DNAH17: variants seen among roughly 807,000 people sequenced by gnomAD.
DNAH17 encodes the protein dynein axonemal heavy chain 17, also known as axonemal beta dynein heavy chain 17.
DNAH17 carries 376 observed loss-of-function variants against 485.6 expected under a neutral mutation model. That is an observed-to-expected ratio of 0.77 (90% CI 0.71 to 0.84). The LOEUF (loss-of-function observed/expected upper bound fraction) is 0.84. Among genes scored for constraint, DNAH17 ranks in the 40% least tolerant of loss-of-function variants. The pLI is 0.00. For synonymous variants in DNAH17, 3,031 were observed against 2,405.9 expected (o/e 1.26, Z -7.60); for missense variants, 6,370 against 5,839.3 (o/e 1.09, Z -2.96).
chr17:78,482,841 G>A (rs1457189136), intron 48 of DNAH17, among the ~76,000 whole-genome samples: 1 of 152,188 alleles, frequency 6.6e-6, no homozygotes, highest in Non-Finnish European at 1.5e-5. Context: ...CCCTCCTGAA[G>A]ATCCTTCAGG....
chr17:78,507,900 G>A (rs2090531841), intron 27 of DNAH17, 95 bp from the exon 28 acceptor site: 2 of 1,223,312 alleles, frequency 1.6e-6, no homozygotes, highest in Admixed American at 5.6e-5. Flanking sequence ...GAAGCTCCAT[G>A]ATCAGAAAGC....
intron 14 of DNAH17, among the ~76,000 whole-genome samples, chr17:78,553,562 A>G (rs926502761): frequency 6.6e-6 from 1 of 152,012 alleles, no homozygotes; most frequent in Non-Finnish European, 1.5e-5. Context: ...TTGGCCTCTC[A>G]AAGTCCCAGG....
chr17:78,434,582 T>C (rs1345885133), intron 74 of DNAH17, among the ~76,000 whole-genome samples: 1 of 151,716 alleles, frequency 6.6e-6, no homozygotes, highest in Non-Finnish European at 1.5e-5. Context: ...TCATCACTTA[T>C]GCACAGTATC....
Position 78,532,510 on chromosome 17 carries a change from G to C in DNAH17, c.3086C>G (p.Pro1029Arg), listed in dbSNP as rs369140843. ...CTCCTGGAACTGAGCCAGGGTGGGCGGTGTCTTGGGGATGGTGTCATCTGT... is the reference window on the plus strand; with the variant it reads ...CTCCTGGAACTGAGCCAGGGTGGGCCGTGTCTTGGGGATGGTGTCATCTGT... Reference protein sequence around the residue: ...TWTDDTIPKTPPTLAQFQEQI... With the variant: ...TWTDDTIPKTRPTLAQFQEQI... The change falls in exon 20 of 81, where the codon CCG (proline) becomes CGG (arginine). Residue 1029 changes from proline (P) to arginine (R), a missense_variant. Physicochemically the swap from Pro to Arg is moderately radical, Grantham distance 103. Transcript: ENST00000389840. The C allele has an allele frequency of 3.1e-6, 5 of 1,610,674 alleles. No homozygotes were observed. Among genetic ancestry groups the C allele is most frequent in the African/African-American group, 1.3e-5 (1 of 74,850 alleles).
chr17:78,533,148 C>A (rs1231529413), intron 19 of DNAH17: 2 of 183,286 alleles, frequency 1.1e-5, no homozygotes, highest in Non-Finnish European at 2.2e-5. Context: ...TCTGGGGAAC[C>A]CCGAGATGAC....
intron 19 of DNAH17, among the ~76,000 whole-genome samples, chr17:78,533,556 A>T (rs778367525): frequency 1.3e-5 from 2 of 152,222 alleles, no homozygotes; most frequent in Non-Finnish European, 2.9e-5. Context: ...GTTGCCAGTG[A>T]CAGAAAACCC....
At chr17:78,571,094 A>T in intron 5 of DNAH17, 61 bp from the exon 6 acceptor site, 1 of 1,469,908 alleles carries the variant, frequency 6.8e-7, no homozygotes, top group Non-Finnish European at 9.3e-7. Flanking sequence ...AGAAACGATG[A>T]GGGTGCGGCT....
At chr17:78,516,638 G>A (rs2090788791) in intron 25 of DNAH17, among the ~76,000 whole-genome samples, 1 of 149,108 alleles carries the variant, frequency 6.7e-6, no homozygotes, top group Non-Finnish European at 1.5e-5. Context: ...TGCAGCGAGT[G>A]GACATCACAT....
In DNAH17 at chr17:78,475,272, T is replaced by G; in HGVS notation, c.8511+6A>C. The G allele has an allele frequency of 6.2e-7, 1 of 1,613,938 alleles. No individual in the cohort carries two copies. Among genetic ancestry groups the G allele is most frequent in the South Asian group, 1.1e-5 (1 of 91,078 alleles). ...AAAGGCAGCCTATTGAACAGTAAGC[T>G]CTCACCTTGAGGTCGGGGATCCCGT... On this transcript the variant is annotated splice_donor_region_variant and intron_variant, in intron 54 of 80. Coordinates refer to ENST00000389840, the MANE Select transcript of DNAH17 (RefSeq NM_173628.4).
intron 25 of DNAH17, chr17:78,522,388 C>G (rs1478760256): frequency 2.8e-5 from 8 of 282,706 alleles, no homozygotes; most frequent in African/African-American, 4.6e-5. Flanking sequence ...GGAAGAGGGA[C>G]TTTTTAATAT....
At chr17:78,502,744 G>A in intron 32 of DNAH17, 46 bp from the exon 33 acceptor site, 7 of 1,600,598 alleles carry the variant, frequency 4.4e-6, no homozygotes, top group Non-Finnish European at 6.0e-6. Context: ...GCGATCGCTG[G>A]CGCCTGCTAA....
chr17:78,460,721 C>T (rs1158517440), intron 58 of DNAH17, among the ~76,000 whole-genome samples: 2 of 152,164 alleles, frequency 1.3e-5, no homozygotes, highest in Non-Finnish European at 2.9e-5. Flanking sequence ...GCTTGAGCTT[C>T]CAAGACTGGA....
At chr17:78,440,367 C>G (rs1170415032) in intron 72 of DNAH17, among the ~76,000 whole-genome samples, 1 of 150,498 alleles carries the variant, frequency 6.6e-6, no homozygotes, top group African/African-American at 2.4e-5. Context: ...AGTGATCCTC[C>G]CACCTCAGCC....
At position 78,444,753 on chromosome 17, in the gene DNAH17, G is replaced by C. The variant is rs367920298; in HGVS notation, c.11379C>G (p.Ile3793Met). ...TTTTCCAGCGCTTGGCAGATCCTTC[G>C]ATGTCACTGTCCAGATTTTTGAACT... ...MDEFKNLDSD[I>M]EGSAKRWKKL... The change falls in exon 71 of 81, where the codon ATC becomes ATG. Residue 3793 changes from isoleucine (I) to methionine (M), a missense_variant. Coordinates refer to ENST00000389840, the MANE Select transcript of DNAH17 (RefSeq NM_173628.4). 30 of 1,597,774 alleles carry C rather than the reference G, an allele frequency of 1.9e-5. 1 individual carries two copies. Among genetic ancestry groups the C allele is most frequent in the South Asian group, 1.8e-4 (16 of 89,874 alleles).
chr17:78,460,402 G>T, intron 58 of DNAH17, 145 bp from the exon 59 acceptor site: 1 of 696,882 alleles, frequency 1.4e-6, no homozygotes, highest in East Asian at 2.7e-5. Context: ...GTGCATGAGT[G>T]TATGTGTGTG....
rs374825191 is a variant in DNAH17, at chr17:78,459,991, G to A, written c.9446C>T (p.Thr3149Ile). Residue 3149 changes from threonine (T) to isoleucine (I), a missense_variant, in exon 60 of 81, where the codon ACA becomes ATA. By Grantham distance (89) the Thr-to-Ile change is moderately conservative (BLOSUM62 -1). Coordinates refer to ENST00000389840, the MANE Select transcript of DNAH17 (RefSeq NM_173628.4). ...CGGGGACCCAAAGGACTTCAGCTCT[G>A]TCAGGTTGTTCTGCAAATGACAGAC... ...ALDTLNKNNL[T>I]ELKSFGSPPD... 2 of 1,612,706 alleles carry A rather than the reference G, an allele frequency of 1.2e-6. No homozygotes were observed. The highest frequency in any genetic ancestry group is 1.7e-5 in the Admixed American group (1 of 60,004).
intron 55 of DNAH17, 48 bp from the exon 56 acceptor site, chr17:78,466,864 G>A (rs767974047): frequency 6.7e-7 from 1 of 1,488,108 alleles, no homozygotes; most frequent in East Asian, 2.6e-5. Flanking sequence ...CTGCAGTGCT[G>A]GGGCCTAATC....
intron 43 of DNAH17, 101 bp from the exon 44 acceptor site, chr17:78,490,948 G>A (rs1168929781): frequency 3.6e-6 from 5 of 1,401,238 alleles, no homozygotes; most frequent in Non-Finnish European, 4.7e-6. Flanking sequence ...CGAGCAAGGA[G>A]GAGGGGCCCA....
Position 78,485,738 on chromosome 17 carries a change from G to T in DNAH17, c.7295C>A (p.Thr2432Lys). Reference protein sequence around the residue: ...VPLQASLVHTTETIRIRYFMD... With the variant: ...VPLQASLVHTKETIRIRYFMD... ...GAAGTAGCGGATGCGGATGGTTTCCGTGGTGTGGACCAAAGAGGCCTGGGG... is the reference window on the plus strand; with the variant it reads ...GAAGTAGCGGATGCGGATGGTTTCCTTGGTGTGGACCAAAGAGGCCTGGGG... Residue 2432 changes from threonine (T) to lysine (K), a missense_variant, in exon 47 of 81, where the codon ACG (threonine) becomes AAG (lysine). Physicochemically the swap from Thr to Lys is moderately conservative, Grantham distance 78. Transcript: ENST00000389840. The T allele has an allele frequency of 6.2e-7, 1 of 1,612,486 alleles. No homozygotes were observed.
Sources: gnomAD v4.1 joint callset for allele counts (sites outside exome capture counted in the v4.1 genomes callset) on GRCh38, gnomAD v4.1.1 for gene constraint, MANE v1.5 for transcripts, NCBI Gene and HGNC (gene_info 2026-07-23, HGNC 2026-07-21) for gene names.